The following KAT6B variants were observed in gnomAD, a reference collection of about 807,000 sequenced individuals.
KAT6B encodes histone acetyltransferase KAT6B.
A neutral mutation model predicts 187.5 loss-of-function variants in KAT6B; 10 were observed. The ratio of observed to expected loss-of-function variants is 0.05; its 90% confidence interval spans 0.03 to 0.09. The LOEUF (loss-of-function observed/expected upper bound fraction) is 0.09, where lower values mean the gene tolerates loss of function less well. Ranked by LOEUF, KAT6B falls within the 10% of genes least tolerant of loss-of-function variation. The pLI, the probability that KAT6B is intolerant of heterozygous loss-of-function variation, is 1.00. For missense variants in KAT6B, 1,952 were observed against 2,558.9 expected (o/e 0.76, Z 5.12); for synonymous variants, 861 against 926.8 (o/e 0.93, Z 1.29).
At chr10:74,869,971 C>T (rs1843797501) in intron 3 of KAT6B, among the ~76,000 whole-genome samples, 1 of 152,124 alleles carries the variant, frequency 6.6e-6, no homozygotes, top group South Asian at 2.1e-4. Context: ...TCTGAGATAA[C>T]ATACAGAGAT....
intron 3 of KAT6B, among the ~76,000 whole-genome samples, chr10:74,856,569 C>CA (rs1379226950): frequency 6.6e-6 from 1 of 152,084 alleles, no homozygotes; most frequent in Non-Finnish European, 1.5e-5. Context: ...ACTGTATCCT[C>CA]ATGATTAGAT....
intron 4 of KAT6B, among the ~76,000 whole-genome samples, chr10:74,969,392 C>G (rs1242820412): frequency 6.6e-6 from 1 of 152,130 alleles, no homozygotes; most frequent in Non-Finnish European, 1.5e-5. Flanking sequence ...TCTTCAAGTT[C>G]TCAAAGGCTT....
At chr10:74,827,478 A>G (rs1306517592) in intron 1 of KAT6B, among the ~76,000 whole-genome samples, 1 of 151,956 alleles carries the variant, frequency 6.6e-6, no homozygotes, top group East Asian at 1.9e-4. Context: ...GCATGTTGGA[A>G]TAAGAAGGAG....
chr10:74,936,646 A>T (rs185603571), intron 3 of KAT6B, among the ~76,000 whole-genome samples: 6 of 152,310 alleles, frequency 3.9e-5, no homozygotes, highest in African/African-American at 1.4e-4. Flanking sequence ...TTAAAAAATA[A>T]TGGTGATTTA....
At chr10:74,913,912 G>A (rs569414130) in intron 3 of KAT6B, among the ~76,000 whole-genome samples, 4 of 152,350 alleles carry the variant, frequency 2.6e-5, no homozygotes, top group South Asian at 4.1e-4. Context: ...CTGGCTGGGA[G>A]TGGTGGCTCA....
chr10:74,871,750 T>TTAGCATGCCA lies in KAT6B; in HGVS notation c.621+28273_621+28282dup, dbSNP rs1198783963. ...CCAAGATGAGTAAGAACAATATGGT[T>TTAGCATGCCA]TAGCATGCCAGAACAAGGAAGTTTC... On this transcript the variant is annotated intron_variant, in intron 3 of 17. Transcript: ENST00000287239. Among the ~76,000 whole-genome samples, 12 of 152,272 alleles carry TTAGCATGCCA rather than the reference T, an allele frequency of 7.9e-5. No individual in the cohort carries two copies. In the East Asian group the frequency reaches 2.1e-3, roughly 27 times the overall value.
intron 3 of KAT6B, among the ~76,000 whole-genome samples, chr10:74,852,926 T>A (rs557630653): frequency 6.6e-6 from 1 of 152,312 alleles, no homozygotes; most frequent in Admixed American, 6.5e-5. Flanking sequence ...ATTCTGTAGC[T>A]TTGAAGTTAT....
chr10:74,905,331 C>T (rs919100864), intron 3 of KAT6B, among the ~76,000 whole-genome samples: 2 of 152,140 alleles, frequency 1.3e-5, no homozygotes, highest in Non-Finnish European at 2.9e-5. Context: ...CTAGGGAAAC[C>T]GTCAAGAAAT....
chr10:74,867,216 C>T (rs762171601), intron 3 of KAT6B, among the ~76,000 whole-genome samples: 4 of 152,056 alleles, frequency 2.6e-5, no homozygotes, highest in Non-Finnish European at 4.4e-5. Flanking sequence ...GCCTGACTCT[C>T]GAAGCATAAT....
In KAT6B at chr10:75,005,378, C is replaced by T. The variant is rs562643838; in HGVS notation, c.2630-15204C>T. ...GATCACAGGCACGTGCCACCATGCC[C>T]GGGTAATTTTTGTATTTTTAGTAGA... is the stretch of plus-strand genomic sequence containing the variant. On this transcript the variant is annotated intron_variant, in intron 13 of 17. Coordinates refer to ENST00000287239, the MANE Select transcript of KAT6B (RefSeq NM_012330.4). 2.6e-4 allele frequency among the ~76,000 whole-genome samples: 40 copies of T among 151,800 alleles called. No homozygotes were observed. In the South Asian group the frequency reaches 5.2e-3, roughly 20 times the overall value.
intron 1 of KAT6B, among the ~76,000 whole-genome samples, chr10:74,836,963 A>G (rs1013126497): frequency 6.6e-6 from 1 of 152,248 alleles, no homozygotes; most frequent in Non-Finnish European, 1.5e-5. Flanking sequence ...TGTAAACTCT[A>G]TTATTAATCT....
chr10:74,882,086 T>C (rs1174486092), intron 3 of KAT6B, among the ~76,000 whole-genome samples: 2 of 152,170 alleles, frequency 1.3e-5, no homozygotes, highest in Non-Finnish European at 2.9e-5. Flanking sequence ...CCACCTGAGG[T>C]GGATGTGTCT....
intron 3 of KAT6B, among the ~76,000 whole-genome samples, chr10:74,898,561 A>G (rs1846148806): frequency 6.6e-6 from 1 of 151,820 alleles, no homozygotes; most frequent in African/African-American, 2.4e-5. Flanking sequence ...GCCCTCTTAT[A>G]TAGTGGATAA....
At chr10:74,930,974 G>A (rs969470356) in intron 3 of KAT6B, among the ~76,000 whole-genome samples, 1 of 152,042 alleles carries the variant, frequency 6.6e-6, no homozygotes, top group Non-Finnish European at 1.5e-5. Context: ...ATTGGATGTT[G>A]GATAACAATA....
upstream of KAT6B, chr10:74,825,571 C>A (rs1315914683): frequency 6.3e-6 from 1 of 157,644 alleles, no homozygotes; most frequent in East Asian, 1.9e-4. The surrounding 1 kb of genome is among the most constrained non-coding windows in gnomAD (Gnocchi z 5.0). Flanking sequence ...GCGCTGCGGA[C>A]CCGGGCGGCT....
At position 75,030,549 on chromosome 10, in the gene KAT6B, C is replaced by A; in HGVS notation, c.5725C>A (p.His1909Asn). 6.2e-7 allele frequency: 1 copy of A among 1,607,934 alleles called. No homozygotes were observed. Reference protein sequence around the residue: ...NMAASNIGISHSQRLQTQIAS... With the variant: ...NMAASNIGISNSQRLQTQIAS... Reference sequence around the variant, plus strand: ...GGCTGCATCAAATATTGGCATCTCTCACAGCCAAAGACTGCAAACCCAGAT... The same window carrying A: ...GGCTGCATCAAATATTGGCATCTCTAACAGCCAAAGACTGCAAACCCAGAT... Residue 1909 changes from histidine (H) to asparagine (N), a missense_variant, in exon 18 of 18, where the codon CAC (histidine) becomes AAC (asparagine). This residue lies in a region of KAT6B where 358 missense variants were observed against 436.3 expected (regional missense o/e 0.82). Transcript: ENST00000287239. This position sits in a 1 kb window ranked among gnomAD's most constrained non-coding sequence, Gnocchi z 4.8.
In KAT6B at chr10:74,981,737, C is replaced by G. The variant is rs769381516; in HGVS notation, c.2232-50C>G. On this transcript the variant is annotated intron_variant, in intron 10 of 17. Transcript: ENST00000287239. ...AATTGAACAATATTTAATCTTCCCCCCAACAGTATAATCTATCTGATAGAT... is the reference window on the plus strand; with the variant it reads ...AATTGAACAATATTTAATCTTCCCCGCAACAGTATAATCTATCTGATAGAT... 1.1e-4 allele frequency: 136 copies of G among 1,274,500 alleles called. 1 individual carries two copies. Among genetic ancestry groups the G allele is most frequent in the Non-Finnish European group, 1.2e-4 (102 of 874,492 alleles). The allele number at this position is 1,274,500 out of a possible 1,614,324, so 78.9% of individuals were successfully genotyped here. A position where few individuals can be genotyped will look rare whatever the true frequency, so the allele number is the denominator to read the frequency against.
rs527810366 is a variant in KAT6B, at chr10:74,931,747, G to A, written c.622-28223G>A. Among the ~76,000 whole-genome samples, 7 of 152,324 alleles carry A rather than the reference G, an allele frequency of 4.6e-5. No homozygotes were observed. In the South Asian group the frequency reaches 1.4e-3, roughly 32 times the overall value. ...AAGAAATGTGTGTTTGCGGGATTCT[G>A]TTGCTCAGGCTGGAGTGCAGTGGCT... On this transcript the variant is annotated intron_variant, in intron 3 of 17. Transcript: ENST00000287239.
At chr10:74,879,222 C>T (rs998141802) in intron 3 of KAT6B, among the ~76,000 whole-genome samples, 1 of 152,188 alleles carries the variant, frequency 6.6e-6, no homozygotes, top group Admixed American at 6.5e-5. Flanking sequence ...TTACCAAGTT[C>T]AGGGTCTTTT....
Sources: gnomAD v4.1 joint callset for allele counts (sites outside exome capture counted in the v4.1 genomes callset) on GRCh38, gnomAD v4.1.1 for gene constraint, gnomAD v4.1.1 regional missense constraint, Gnocchi (gnomAD v3.1) non-coding constraint, MANE v1.5 for transcripts, NCBI Gene and HGNC (gene_info 2026-07-23, HGNC 2026-07-21) for gene names.